The following WBP1L variants were observed in gnomAD, a reference collection of about 807,000 sequenced individuals.
The protein encoded by WBP1L is WW domain binding protein 1-like.
A neutral mutation model predicts 33.7 loss-of-function variants in WBP1L; 17 were observed. That is an observed-to-expected ratio of 0.50 (90% CI 0.34 to 0.76). The LOEUF (loss-of-function observed/expected upper bound fraction) is 0.76. WBP1L is among the 30% of genes least tolerant of loss of function. WBP1L has a pLI of 0.01. For missense variants in WBP1L, 389 were observed against 469.4 expected (o/e 0.83, Z 1.58); for synonymous variants, 173 against 190.8 (o/e 0.91, Z 0.77).
chr10:102,772,559 T>TC (rs1193778211), intron 1 of WBP1L, among the ~76,000 whole-genome samples: 1 of 39,918 alleles, frequency 2.5e-5, no homozygotes, highest in Non-Finnish European at 6.1e-5. Context: ...TGCCCGGCCC[T>TC]TTTTTTTTTT....
intron 1 of WBP1L, among the ~76,000 whole-genome samples, chr10:102,750,468 T>C (rs2134024616): frequency 6.6e-6 from 1 of 152,096 alleles, no homozygotes; most frequent in East Asian, 1.9e-4. Context: ...TATACATAAA[T>C]TGGTGTTTCA....
chr10:102,795,123 G>C (rs1843556399), intron 1 of WBP1L, among the ~76,000 whole-genome samples: 1 of 152,084 alleles, frequency 6.6e-6, no homozygotes, highest in South Asian at 2.1e-4. Context: ...GAAATCATTT[G>C]TTTTTCATTT....
intron 3 of WBP1L, among the ~76,000 whole-genome samples, chr10:102,810,517 CCTTCCTTCCTTCCA>C (rs1843819982): frequency 3.5e-5 from 4 of 114,682 alleles, no homozygotes; most frequent in African/African-American, 6.6e-5. Context: ...TTCCTTCCTT[CCTTCCTTCCTTCCA>C]TCCATCCTCC....
chr10:102,759,300 C>T (rs1843011583), intron 1 of WBP1L, among the ~76,000 whole-genome samples: 1 of 152,340 alleles, frequency 6.6e-6, no homozygotes, highest in Admixed American at 6.5e-5. Flanking sequence ...AATGTCCCTT[C>T]AGCACCTGAC....
chr10:102,794,277 T>C (rs1843541925), intron 1 of WBP1L, among the ~76,000 whole-genome samples: 1 of 152,134 alleles, frequency 6.6e-6, no homozygotes, highest in South Asian at 2.1e-4. Context: ...GAGGCTGCTA[T>C]GTCAGGGTGG....
At chr10:102,748,887 T>A (rs1339895068) in intron 1 of WBP1L, among the ~76,000 whole-genome samples, 1 of 152,230 alleles carries the variant, frequency 6.6e-6, no homozygotes, top group Non-Finnish European at 1.5e-5. Context: ...TAAAGGTTGA[T>A]AAGCATGGGT....
chr10:102,810,203 G>A (rs1373510035), intron 3 of WBP1L, 149 bp downstream of exon 3: 41 of 1,085,516 alleles, frequency 3.8e-5, no homozygotes, highest in Non-Finnish European at 4.8e-5. Flanking sequence ...TGAAAGTACA[G>A]GAACAAGGGG....
chr10:102,801,544 G>A (rs924600814), intron 2 of WBP1L, among the ~76,000 whole-genome samples: 2 of 152,286 alleles, frequency 1.3e-5, no homozygotes, highest in South Asian at 4.2e-4. Flanking sequence ...CAGCGGGGAG[G>A]GGATAGGATG....
Position 102,743,996 on chromosome 10 carries a change from A to G in WBP1L, c.-58A>G, listed in dbSNP as rs1842828904. 2.4e-6 allele frequency: 3 copies of G among 1,225,352 alleles called. No individual in the cohort carries two copies. The highest frequency in any genetic ancestry group is 3.5e-6 in the Non-Finnish European group (3 of 857,910). The allele number at this position is 1,225,352 out of a possible 1,614,324, so 75.9% of individuals were successfully genotyped here. A position where few individuals can be genotyped will look rare whatever the true frequency, so the allele number is the denominator to read the frequency against. ...AAGGAAGAAGAGGGTAGAGGAGGAG[A>G]GGGAGGAGGAGGAGGGAGGTGGCGG... On this transcript the variant is annotated 5_prime_UTR_variant, in exon 1 of 4. Coordinates refer to ENST00000448841, the MANE Select transcript of WBP1L (RefSeq NM_001083913.2).
intron 2 of WBP1L, among the ~76,000 whole-genome samples, chr10:102,801,397 A>G (rs1590190093): frequency 6.6e-6 from 1 of 152,120 alleles, no homozygotes; most frequent in African/African-American, 2.4e-5. Flanking sequence ...TCTGGGCCCT[A>G]CTCCCAGAGC....
intron 2 of WBP1L, among the ~76,000 whole-genome samples, chr10:102,799,910 C>T (rs939010820): frequency 6.6e-6 from 1 of 152,170 alleles, no homozygotes; most frequent in African/African-American, 2.4e-5. Context: ...CCAAACAAGA[C>T]CTCTCCCTCA....
chr10:102,747,553 A>T (rs1374947575), intron 1 of WBP1L, among the ~76,000 whole-genome samples: 1 of 152,060 alleles, frequency 6.6e-6, no homozygotes, highest in Non-Finnish European at 1.5e-5. Context: ...ACAGGATCTC[A>T]CTCTGTTGCC....
chr10:102,777,101 T>C (rs1843275247), intron 1 of WBP1L, among the ~76,000 whole-genome samples: 1 of 152,162 alleles, frequency 6.6e-6, no homozygotes, highest in East Asian at 1.9e-4. Flanking sequence ...GAGAGAACAG[T>C]AGCAAGCCAC....
Position 102,812,761 on chromosome 10 carries a change from C to T in WBP1L, c.522C>T (p.Ser174=). 1 of 1,613,180 alleles carries T rather than the reference C, an allele frequency of 6.2e-7. No homozygotes were observed. The highest frequency in any genetic ancestry group is 1.1e-5 in the South Asian group (1 of 91,000). Reference sequence around the variant, plus strand: ...CGGGCATCGATCCCACCAGGGGATCCCAGGGGGCACAGAGCAGCCCCTTGT... The same window carrying T: ...CGGGCATCGATCCCACCAGGGGATCTCAGGGGGCACAGAGCAGCCCCTTGT... ...SPPGIDPTRG[S]QGAQSSPLSE... is the part of the protein sequence containing the mutation. The change falls in exon 4 of 4, where the codon TCC becomes TCT. Residue 174 remains serine (S), a synonymous_variant. Coordinates refer to ENST00000448841, the MANE Select transcript of WBP1L (RefSeq NM_001083913.2).
chr10:102,750,793 G>A (rs1023049021), intron 1 of WBP1L, among the ~76,000 whole-genome samples: 1 of 152,116 alleles, frequency 6.6e-6, no homozygotes, highest in Admixed American at 6.5e-5. Context: ...GAGCCACCAC[G>A]CCCGGCCCAA....
chr10:102,799,376 G>GTCA (rs1843619437), intron 2 of WBP1L, among the ~76,000 whole-genome samples: 1 of 151,958 alleles, frequency 6.6e-6, no homozygotes, highest in African/African-American at 2.4e-5. Context: ...TCTTGCCACT[G>GTCA]GTTTGACTGA....
chr10:102,783,357 G>A (rs1375775629), intron 1 of WBP1L, among the ~76,000 whole-genome samples: 7 of 152,176 alleles, frequency 4.6e-5, no homozygotes, highest in Non-Finnish European at 1.0e-4. Context: ...GCTGCTGCTT[G>A]TACCATGTAG....
intron 3 of WBP1L, among the ~76,000 whole-genome samples, chr10:102,811,833 A>G (rs943736833): frequency 1.3e-5 from 2 of 152,204 alleles, no homozygotes; most frequent in Non-Finnish European, 2.9e-5. Flanking sequence ...CCACATCTAG[A>G]GGGGTTAAGT....
In WBP1L at chr10:102,795,120, T is replaced by C. The variant is rs117475725; in HGVS notation, c.91-2873T>C. On this transcript the variant is annotated intron_variant, in intron 1 of 3. Coordinates refer to ENST00000448841, the MANE Select transcript of WBP1L (RefSeq NM_001083913.2). The stretch of plus-strand genomic sequence containing the variant: ...TGATACATGCAGCCAGTAGAAATCA[T>C]TTGTTTTTCATTTTTAATACAGTAT... Among the ~76,000 whole-genome samples, 74 of 152,314 alleles carry C rather than the reference T, an allele frequency of 4.9e-4. No individual in the cohort carries two copies. The East Asian group carries it at 0.01, about 21-fold the overall frequency.
Sources: gnomAD v4.1 joint callset for allele counts (sites outside exome capture counted in the v4.1 genomes callset) on GRCh38, gnomAD v4.1.1 for gene constraint, MANE v1.5 for transcripts, NCBI Gene and HGNC (gene_info 2026-07-23, HGNC 2026-07-21) for gene names.